Variants in ALDH1A2 observed in about 807,000 individuals in gnomAD.
The protein encoded by ALDH1A2 is retinal dehydrogenase 2.
In ALDH1A2, 27 loss-of-function variants were observed where a neutral mutation model predicts 60.3. The ratio of observed to expected loss-of-function variants is 0.45; its 90% CI spans 0.33 to 0.62. ALDH1A2 has a LOEUF of 0.62. ALDH1A2 is among the 20% of genes least tolerant of loss of function. The pLI, the probability that ALDH1A2 is intolerant of heterozygous loss-of-function variation, is 0.02. For synonymous variants in ALDH1A2, 289 were observed against 232.4 expected, an observed-to-expected ratio of 1.24 and a Z score of -2.21; for missense variants, 581 against 643.8, an observed-to-expected ratio of 0.90 and a Z score of 1.06.
chr15:57,991,300 C>T (rs1462782942), intron 7 of ALDH1A2: 1 of 152,186 alleles, frequency 6.6e-6, no homozygotes, highest in South Asian at 2.1e-4. Flanking sequence ...TTCATACTCA[C>T]ATTTTGGTTT....
At chr15:58,061,241 A>G (rs576798875) in intron 1 of ALDH1A2, among the ~76,000 whole-genome samples, 1 of 152,260 alleles carries the variant, frequency 6.6e-6, no homozygotes, top group East Asian at 1.9e-4. Context: ...TGGAGATGAT[A>G]CAAACACCAA....
chr15:58,003,841 T>C (rs1211460957), intron 4 of ALDH1A2, among the ~76,000 whole-genome samples: 1 of 151,898 alleles, frequency 6.6e-6, no homozygotes, highest in African/African-American at 2.4e-5. Flanking sequence ...ATAGTAATGA[T>C]TATTATTTAT....
intron 7 of ALDH1A2, among the ~76,000 whole-genome samples, chr15:57,966,568 G>C (rs559267140): frequency 1.3e-5 from 2 of 152,334 alleles, no homozygotes; most frequent in Non-Finnish European, 2.9e-5. Flanking sequence ...ACAGCCTGCA[G>C]CTGTCACCTC....
At chr15:57,980,226 C>A in intron 7 of ALDH1A2, 1 of 330,178 alleles carries the variant, frequency 3.0e-6, no homozygotes, top group South Asian at 2.8e-5. Flanking sequence ...ATGCCAATGT[C>A]CACCCCGCTC....
intron 3 of ALDH1A2, 94 bp from the exon 4 acceptor site, chr15:58,010,872 ACAAATGC>A: frequency 6.7e-7 from 1 of 1,483,852 alleles, no homozygotes; most frequent in Non-Finnish European, 9.3e-7. Flanking sequence ...GAGAGAGAAT[ACAAATGC>A]ATATGGAGTT....
chr15:57,998,126 T>C (rs763014263), intron 4 of ALDH1A2, among the ~76,000 whole-genome samples: 3 of 152,004 alleles, frequency 2.0e-5, no homozygotes, highest in Non-Finnish European at 4.4e-5. Context: ...GCATTCCCCT[T>C]GAAAACTAGC....
At chr15:57,979,708 TG>T in intron 7 of ALDH1A2, 1 of 258,754 alleles carries the variant, frequency 3.9e-6, no homozygotes, top group Non-Finnish European at 7.8e-6. Flanking sequence ...GAGAGTGTGC[TG>T]GGAGCCTCAG....
At chr15:58,065,463 G>A (rs548043151) in intron 1 of ALDH1A2, 71 bp downstream of exon 1, 8 of 1,331,012 alleles carry the variant, frequency 6.0e-6, no homozygotes, top group Non-Finnish European at 2.2e-6. Context: ...CTCACCCGCT[G>A]AAGAGATCGG....
intron 7 of ALDH1A2, chr15:57,980,574 T>C: frequency 7.2e-6 from 2 of 276,372 alleles, no homozygotes; most frequent in South Asian, 5.4e-5. Flanking sequence ...GGGTCATATT[T>C]GGGCAGGAGC....
At chr15:58,046,368 C>T (rs1419414831) in intron 1 of ALDH1A2, among the ~76,000 whole-genome samples, 1 of 151,964 alleles carries the variant, frequency 6.6e-6, no homozygotes, top group African/African-American at 2.4e-5. Context: ...TGTAGAGTTG[C>T]TTAATTTATT....
intron 9 of ALDH1A2, 124 bp downstream of exon 9, chr15:57,963,761 T>C (rs1367970982): frequency 1.1e-6 from 1 of 950,876 alleles, no homozygotes; most frequent in Admixed American, 2.1e-5. Flanking sequence ...CACGAAGACA[T>C]GGTGGAGAAT....
At chr15:58,027,414 G>C (rs1216414689) in intron 1 of ALDH1A2, among the ~76,000 whole-genome samples, 1 of 152,190 alleles carries the variant, frequency 6.6e-6, no homozygotes, top group African/African-American at 2.4e-5. Flanking sequence ...ACCAAAGGTA[G>C]ATAAAACCAC....
chr15:58,010,580 G>T, intron 4 of ALDH1A2, 69 bp downstream of exon 4: 2 of 1,596,186 alleles, frequency 1.3e-6, no homozygotes, highest in Non-Finnish European at 1.7e-6. Context: ...TGCTGTTTGT[G>T]TTTGGTGGCC....
chr15:57,980,050 G>T, intron 7 of ALDH1A2: 1 of 318,464 alleles, frequency 3.1e-6, no homozygotes, highest in Admixed American at 3.4e-5. Context: ...GTCCATGGGG[G>T]GGCAGGATGT....
intron 1 of ALDH1A2, among the ~76,000 whole-genome samples, chr15:58,063,374 C>T (rs571104815): frequency 2.0e-5 from 3 of 152,284 alleles, no homozygotes; most frequent in Middle Eastern, 6.8e-3. Flanking sequence ...TATGGTATCA[C>T]TATGCTAAAG....
At chr15:58,051,375 T>A (rs1469977274) in intron 1 of ALDH1A2, among the ~76,000 whole-genome samples, 2 of 149,960 alleles carry the variant, frequency 1.3e-5, no homozygotes, top group Admixed American at 1.3e-4. Flanking sequence ...TTATTTATTT[T>A]TTTAGATAGG....
Position 58,065,646 on chromosome 15 carries a change from G to A in ALDH1A2, c.5C>T (p.Thr2Ile), listed in dbSNP as rs748211403. 1.7e-5 allele frequency: 27 copies of A among 1,593,742 alleles called. No homozygotes were observed. The South Asian group carries it at 2.4e-4, about 14-fold the overall frequency. ...GCCGGGCATCTCTATCTTGCTGGAA[G>A]TCATGGTGGCGGGCCGGGTGTCCCT... Reference protein sequence around the residue: MTSSKIEMPGEV... With the variant: MISSKIEMPGEV... The change falls in exon 1 of 13, where the codon ACT becomes ATT. Residue 2 changes from threonine to isoleucine, a missense_variant. Coordinates refer to ENST00000249750, the MANE Select transcript of ALDH1A2 (RefSeq NM_003888.4).
intron 7 of ALDH1A2, among the ~76,000 whole-genome samples, chr15:57,985,115 T>C (rs544227073): frequency 2.0e-5 from 3 of 152,342 alleles, no homozygotes; most frequent in Admixed American, 2.0e-4. Flanking sequence ...TTCTACATGT[T>C]GGCCACAATT....
Position 58,045,732 on chromosome 15 carries a change from C to G in ALDH1A2, c.117+19802G>C, listed in dbSNP as rs1339803738. On this transcript the variant is annotated intron_variant, in intron 1 of 12. Coordinates refer to ENST00000249750, the MANE Select transcript of ALDH1A2 (RefSeq NM_003888.4). ...ACACAGGATGGGGAACACCACACAC[C>G]CGGACCTGTCAGGGGATGGGGGGCT... Among the ~76,000 whole-genome samples, 2 of 151,770 alleles carry G rather than the reference C, an allele frequency of 1.3e-5. 1 individual carries two copies. The highest frequency in any genetic ancestry group is 2.9e-5 in the Non-Finnish European group (2 of 67,886).
Sources: allele counts gnomAD v4.1 joint callset (sites outside exome capture counted in the v4.1 genomes callset), GRCh38; gene constraint gnomAD v4.1.1; transcripts MANE v1.5; gene names NCBI Gene and HGNC (gene_info 2026-07-23, HGNC 2026-07-21).